BMX: variants seen among roughly 807,000 people sequenced by gnomAD.
BMX encodes BMX non-receptor tyrosine kinase.
In BMX, 31 loss-of-function variants were observed where a neutral mutation model predicts 59.2. That is an observed-to-expected ratio of 0.52 (90% CI 0.39 to 0.71). The LOEUF (loss-of-function observed/expected upper bound fraction) is 0.71. BMX is among the 30% of genes least tolerant of loss of function. BMX has a pLI of 0.00. For synonymous variants in BMX, 185 were observed against 181.0 expected, an observed-to-expected ratio of 1.02 and a Z score of -0.18; for missense variants, 474 against 491.7, an observed-to-expected ratio of 0.96 and a Z score of 0.34.
Position 15,536,432 on chromosome X carries a change from G to A in BMX, c.1222+5G>A, listed in dbSNP as rs1292223307. On this transcript the variant is annotated splice_donor_5th_base_variant and intron_variant, in intron 13 of 18. Transcript: ENST00000348343. ...ACTCTGTGTCCCTGGGAAATGGTAT[G>A]GATACATACTTGGGTTCTTAAACTC... is the stretch of plus-strand genomic sequence containing the variant. 3 of 1,193,385 alleles carry A rather than the reference G, an allele frequency of 2.5e-6. No individual in the cohort carries two copies. The highest frequency in any genetic ancestry group is 1.8e-5 in the South Asian group (1 of 55,069).
chrX:15,542,313 A>C, intron 15 of BMX, 115 bp downstream of exon 15: 3 of 632,524 alleles, frequency 4.7e-6, no homozygotes, highest in Non-Finnish European at 7.4e-6. Context: ...TACTTTGCTC[A>C]CTTGTGACTT....
Position 15,539,275 on chromosome X carries a change from G to A in BMX, c.1394+1970G>A, listed in dbSNP as rs1036713346. ...GGTATCCATAAAAAAATCACAAGAA[G>A]TCATTTAAAAACATCACCTAATCAT... On this transcript the variant is annotated intron_variant, in intron 14 of 18. Coordinates refer to ENST00000348343, the MANE Select transcript of BMX (RefSeq NM_203281.3). Among the ~76,000 whole-genome samples the A allele has an allele frequency of 6.3e-5, 7 of 111,251 alleles. 1 individual carries two copies. The South Asian group carries it at 2.7e-3, about 43-fold the overall frequency.
At chrX:15,501,066 A>G (rs1297917061) in intron 1 of BMX, 126 bp downstream of exon 1, 76 of 551,276 alleles carry the variant, frequency 1.4e-4, no homozygotes, top group Non-Finnish European at 1.7e-4. Context: ...ATAGTACAAC[A>G]TTTTTAATAT....
At chrX:15,512,727 C>T (rs1450307654) in intron 4 of BMX, among the ~76,000 whole-genome samples, 6 of 112,265 alleles carry the variant, frequency 5.3e-5, no homozygotes, top group Non-Finnish European at 1.1e-4. Flanking sequence ...AGAGCAGTCA[C>T]GAGCCACAGA....
chrX:15,508,962 A>T (rs2147103593), intron 2 of BMX, among the ~76,000 whole-genome samples: 1 of 112,367 alleles, frequency 8.9e-6, no homozygotes. Context: ...ATTCCTGTAC[A>T]GTTGAGAATT....
At chrX:15,550,476 C>A (rs1438946552) in intron 18 of BMX, among the ~76,000 whole-genome samples, 2 of 110,747 alleles carry the variant, frequency 1.8e-5, no homozygotes, top group Non-Finnish European at 3.8e-5. Context: ...CATCTTCTCT[C>A]CCCCTGCCTC....
chrX:15,522,332 C>A lies in BMX; in HGVS notation c.511-14C>A. 1 of 1,192,705 alleles carries A rather than the reference C, an allele frequency of 8.4e-7. No individual in the cohort carries two copies. The highest frequency in any genetic ancestry group is 1.1e-6 in the Non-Finnish European group (1 of 883,809). On this transcript the variant is annotated splice_polypyrimidine_tract_variant and intron_variant, in intron 6 of 18. Coordinates refer to ENST00000348343, the MANE Select transcript of BMX (RefSeq NM_203281.3). ...GCCTCACTGTGATGTATTAAAATTTCTTCCCCTCCAAAGCTGAAGATACCT... is the reference window on the plus strand; with the variant it reads ...GCCTCACTGTGATGTATTAAAATTTATTCCCCTCCAAAGCTGAAGATACCT...
At chrX:15,527,275 T>TACAC (rs1376238457) in intron 9 of BMX, among the ~76,000 whole-genome samples, 2 of 44,927 alleles carry the variant, frequency 4.5e-5, no homozygotes, top group African/African-American at 1.8e-4. Context: ...TATATATATA[T>TACAC]ATATATATAC....
In BMX at chrX:15,536,421, G is replaced by A; in HGVS notation, c.1216G>A (p.Gly406Arg). 5 of 1,204,896 alleles carry A rather than the reference G, an allele frequency of 4.1e-6. No homozygotes were observed. Among genetic ancestry groups the A allele is most frequent in the Middle Eastern group, 2.3e-4 (1 of 4,326 alleles). ...CAAGGTCCCCGACTCTGTGTCCCTG[G>A]GAAATGGTATGGATACATACTTGGG... is the stretch of plus-strand genomic sequence containing the variant. Reference protein sequence around the residue: ...ANKVPDSVSLGNGIWELKREE... With the variant: ...ANKVPDSVSLRNGIWELKREE... Residue 406 changes from glycine (G) to arginine (R), a missense_variant, in exon 13 of 19, where the codon GGA becomes AGA. Transcript: ENST00000348343.
intron 1 of BMX, among the ~76,000 whole-genome samples, chrX:15,504,027 T>C (rs933664697): frequency 8.9e-6 from 1 of 111,798 alleles, no homozygotes; most frequent in African/African-American, 3.3e-5. Context: ...GCCTGGCACA[T>C]AGTGAGCCCT....
chrX:15,516,253 G>A, intron 5 of BMX, 22 bp downstream of exon 5: 1 of 1,202,728 alleles, frequency 8.3e-7, no homozygotes, highest in South Asian at 1.8e-5. Flanking sequence ...TTCCTCTGTT[G>A]GACTGGACGT....
At chrX:15,509,630 G>A (rs915170765) in intron 3 of BMX, among the ~76,000 whole-genome samples, 197 bp downstream of exon 3, 2 of 111,278 alleles carry the variant, frequency 1.8e-5, no homozygotes, top group Non-Finnish European at 3.8e-5. Flanking sequence ...GGGAAGGGAA[G>A]CAAGACAGGA....
At chrX:15,516,613 A>G (rs1924168672) in intron 5 of BMX, among the ~76,000 whole-genome samples, 1 of 111,064 alleles carries the variant, frequency 9.0e-6, no homozygotes, top group Admixed American at 9.6e-5. Flanking sequence ...CAGTTTGGTA[A>G]GAAAACCAGC....
chrX:15,534,208 C>G lies in BMX; in HGVS notation c.1020-4C>G. 8.7e-7 allele frequency: 1 copy of G among 1,148,171 alleles called. No individual in the cohort carries two copies. The highest frequency in any genetic ancestry group is 2.6e-5 in the Admixed American group (1 of 38,973). 94.6% of individuals were successfully genotyped at this position (1,148,171 alleles called of 1,213,427 possible). On this transcript the variant is annotated splice_polypyrimidine_tract_variant and splice_region_variant and intron_variant, in intron 11 of 18. Coordinates refer to ENST00000348343, the MANE Select transcript of BMX (RefSeq NM_203281.3). ...AAATGTTCTAACATTCTTTCTGTTACTAGTGATAAAAAAGGAACTGTCAAA... is the reference window on the plus strand; with the variant it reads ...AAATGTTCTAACATTCTTTCTGTTAGTAGTGATAAAAAAGGAACTGTCAAA...
intron 6 of BMX, 74 bp downstream of exon 6, chrX:15,518,067 C>G: frequency 1.1e-6 from 1 of 888,597 alleles, no homozygotes; most frequent in Admixed American, 2.8e-5. Flanking sequence ...AGATTCAAGA[C>G]TAGAAAATGT....
chrX:15,512,225 G>T (rs1174405294), intron 4 of BMX, among the ~76,000 whole-genome samples: 2 of 111,796 alleles, frequency 1.8e-5, no homozygotes, highest in Non-Finnish European at 3.8e-5. Flanking sequence ...CATTGTTAAT[G>T]ATTTGGCACT....
At chrX:15,546,983 C>T (rs1481627661) in intron 17 of BMX, 62 bp downstream of exon 17, 4 of 969,118 alleles carry the variant, frequency 4.1e-6, no homozygotes, top group Non-Finnish European at 5.8e-6. Flanking sequence ...CAACAGGAAA[C>T]CACAAGAGTA....
intron 2 of BMX, 45 bp from the exon 3 acceptor site, chrX:15,509,284 A>G: frequency 1.0e-6 from 1 of 986,313 alleles, no homozygotes; most frequent in Non-Finnish European, 1.4e-6. Flanking sequence ...CTTGTGCACC[A>G]TGATGTATTG....
chrX:15,531,728 G>C (rs1037820245), intron 11 of BMX, among the ~76,000 whole-genome samples: 1 of 111,030 alleles, frequency 9.0e-6, no homozygotes, highest in African/African-American at 3.3e-5. Context: ...CTTTCATTCA[G>C]GTCTAAGCCT....
Sources: gnomAD v4.1 joint callset for allele counts (sites outside exome capture counted in the v4.1 genomes callset) on GRCh38, gnomAD v4.1.1 for gene constraint, MANE v1.5 for transcripts, NCBI Gene and HGNC (gene_info 2026-07-23, HGNC 2026-07-21) for gene names.